Variants in KHDRBS2 observed in about 807,000 individuals in gnomAD.
KHDRBS2 encodes KH RNA binding domain containing, signal transduction associated 2.
Under a neutral mutation model 44.3 loss-of-function variants are expected in KHDRBS2, and 26 were observed. The ratio of observed to expected loss-of-function variants is 0.59; its 90% CI spans 0.43 to 0.81. The LOEUF (loss-of-function observed/expected upper bound fraction) is 0.81, where lower values mean the gene tolerates loss of function less well. Ranked by LOEUF, KHDRBS2 falls within the 40% of genes least tolerant of loss-of-function variation. The pLI, the probability that KHDRBS2 is intolerant of heterozygous loss-of-function variation, is 0.00. For missense variants in KHDRBS2, 476 were observed against 433.1 expected (o/e 1.10, Z -0.88); for synonymous variants, 194 against 151.1 (o/e 1.28, Z -2.08).
intron 1 of KHDRBS2, among the ~76,000 whole-genome samples, chr6:62,185,299 A>C (rs1002411204): frequency 6.6e-6 from 1 of 151,982 alleles, no homozygotes; most frequent in African/African-American, 2.4e-5. Flanking sequence ...ATAGAAAAAT[A>C]AAATGGGTAA....
chr6:62,033,907 A>G (rs1784788186), intron 3 of KHDRBS2, among the ~76,000 whole-genome samples: 2 of 151,598 alleles, frequency 1.3e-5, no homozygotes, highest in Non-Finnish European at 2.9e-5. Flanking sequence ...TTAAGGAAAT[A>G]TATACATTTA....
At chr6:62,092,447 A>G (rs1329561138) in intron 2 of KHDRBS2, among the ~76,000 whole-genome samples, 1 of 152,192 alleles carries the variant, frequency 6.6e-6, no homozygotes, top group Non-Finnish European at 1.5e-5. Flanking sequence ...GTTACAAATA[A>G]CCATTTTGCC....
chr6:61,646,065 C>A, the KHDRBS2 span, among the ~76,000 whole-genome samples: 1 of 152,074 alleles, frequency 6.6e-6, no homozygotes, highest in Non-Finnish European at 1.5e-5. Flanking sequence ...ATCAAGATAA[C>A]CTAATATCTA....
At chr6:61,764,788 CAGAT>C (rs781723895) in intron 6 of KHDRBS2, among the ~76,000 whole-genome samples, 8 of 151,466 alleles carry the variant, frequency 5.3e-5, no homozygotes, top group Non-Finnish European at 8.8e-5. Flanking sequence ...AGACCTTTGA[CAGAT>C]AGATAGATTG....
chr6:61,786,717 T>C (rs1783874634), intron 6 of KHDRBS2, among the ~76,000 whole-genome samples: 1 of 151,934 alleles, frequency 6.6e-6, no homozygotes, highest in East Asian at 1.9e-4. Flanking sequence ...TCTGCTTTTA[T>C]GAGTAAGCAG....
intron 6 of KHDRBS2, among the ~76,000 whole-genome samples, chr6:61,808,028 G>T (rs1787447036): frequency 6.6e-6 from 1 of 152,004 alleles, no homozygotes; most frequent in African/African-American, 2.4e-5. Flanking sequence ...CAACTGCTTG[G>T]ATGTTCACCC....
Position 61,894,711 on chromosome 6 carries a change from G to T in KHDRBS2, c.734C>A (p.Pro245His). Residue 245 changes from proline (P) to histidine (H), a missense_variant, in exon 6 of 9, where the codon CCT (proline) becomes CAT (histidine). Transcript: ENST00000281156. The stretch of plus-strand genomic sequence containing the variant: ...CACTGTTGGTGCCCCCCGGGCTCGA[G>T]GGGTAGGGACACCTCTTGCTACAGG... ...VPPVARGVPT[P>H]RARGAPTVPG... 6.2e-7 allele frequency: 1 copy of T among 1,613,604 alleles called. No individual in the cohort carries two copies. The highest frequency in any genetic ancestry group is 8.5e-7 in the Non-Finnish European group (1 of 1,179,796).
intron 4 of KHDRBS2, among the ~76,000 whole-genome samples, chr6:61,974,839 G>A (rs1287627339): frequency 6.6e-6 from 1 of 151,978 alleles, no homozygotes; most frequent in Non-Finnish European, 1.5e-5. Context: ...GCTGAGGCAG[G>A]AGAATCGCTT....
At chr6:62,035,210 C>T (rs561110648) in intron 3 of KHDRBS2, among the ~76,000 whole-genome samples, 52 of 151,920 alleles carry the variant, frequency 3.4e-4, no homozygotes, top group Admixed American at 1.7e-3. Flanking sequence ...TACAGCATGG[C>T]TCACAATAGC....
intron 2 of KHDRBS2, among the ~76,000 whole-genome samples, chr6:62,176,210 T>C (rs1240845588): frequency 2.0e-5 from 3 of 151,388 alleles, no homozygotes; most frequent in Non-Finnish European, 3.0e-5. Context: ...TAATAAAGTT[T>C]ATTTTAAAAA....
intron 6 of KHDRBS2, among the ~76,000 whole-genome samples, chr6:61,811,492 G>T (rs1202663716): frequency 2.6e-5 from 4 of 152,058 alleles, no homozygotes; most frequent in African/African-American, 7.2e-5. Context: ...GGGCCCAATG[G>T]TACTTCTATT....
intron 1 of KHDRBS2, among the ~76,000 whole-genome samples, chr6:62,268,831 CAG>C (rs1251876467): frequency 1.3e-5 from 2 of 151,892 alleles, no homozygotes; most frequent in Non-Finnish European, 2.9e-5. Context: ...ATAATCTCAA[CAG>C]AGTCACTGTC....
intron 2 of KHDRBS2, among the ~76,000 whole-genome samples, chr6:62,109,466 C>G (rs1003010682): frequency 6.6e-6 from 1 of 150,864 alleles, no homozygotes; most frequent in Non-Finnish European, 1.5e-5. Flanking sequence ...GGAAATCAGG[C>G]AAGAAAAAGA....
At chr6:61,923,197 A>T (rs1054697579) in intron 4 of KHDRBS2, among the ~76,000 whole-genome samples, 1 of 152,236 alleles carries the variant, frequency 6.6e-6, no homozygotes, top group East Asian at 1.9e-4. Flanking sequence ...AGACGTAGCA[A>T]CAGAAACTAT....
chr6:62,148,647 A>T lies in KHDRBS2; in HGVS notation c.219+28538T>A, dbSNP rs78459710. ...ACAACAAATGAAAAACAAGCCTCAG[A>T]CCTCTCTCACCATTTGCTCACGAAA... On this transcript the variant is annotated intron_variant, in intron 2 of 8. Transcript: ENST00000281156. Among the ~76,000 whole-genome samples, 487 of 151,910 alleles carry T rather than the reference A, an allele frequency of 3.2e-3. 19 individuals carry two copies. In the East Asian group the frequency reaches 0.081, roughly 25 times the overall value.
rs1248798081 is a variant in KHDRBS2 at position 62,092,448 on chromosome 6, C to A, written c.220-44454G>T. Reference sequence around the variant, plus strand: ...AACCGAATCAAAATGTTACAAATAACCATTTTGCCAGATTCTTTAAAAGTT... The same window carrying A: ...AACCGAATCAAAATGTTACAAATAAACATTTTGCCAGATTCTTTAAAAGTT... On this transcript the variant is annotated intron_variant, in intron 2 of 8. Coordinates refer to ENST00000281156, the MANE Select transcript of KHDRBS2 (RefSeq NM_152688.4). Among the ~76,000 whole-genome samples the A allele has an allele frequency of 3.9e-5, 6 of 152,114 alleles. No homozygotes were observed. In the East Asian group the frequency reaches 1.2e-3, roughly 29 times the overall value.
At chr6:62,244,851 T>C (rs1835286503) in intron 1 of KHDRBS2, among the ~76,000 whole-genome samples, 1 of 151,960 alleles carries the variant, frequency 6.6e-6, no homozygotes, top group African/African-American at 2.4e-5. Flanking sequence ...TCTGCAGACG[T>C]TTGTGATTTT....
At chr6:61,747,053 AC>A (rs1177426451) in intron 6 of KHDRBS2, among the ~76,000 whole-genome samples, 4 of 151,434 alleles carry the variant, frequency 2.6e-5, no homozygotes, top group African/African-American at 4.9e-5. Flanking sequence ...AAAAAAAAAA[AC>A]ATCTAAAAGT....
At chr6:61,808,890 A>G (rs1157955462) in intron 6 of KHDRBS2, among the ~76,000 whole-genome samples, 1 of 151,608 alleles carries the variant, frequency 6.6e-6, no homozygotes, top group African/African-American at 2.4e-5. Flanking sequence ...ATAATTATAT[A>G]AAAGGAATAA....
Sources: gnomAD v4.1 joint callset for allele counts (sites outside exome capture counted in the v4.1 genomes callset) on GRCh38, gnomAD v4.1.1 for gene constraint, MANE v1.5 for transcripts, NCBI Gene and HGNC (gene_info 2026-07-23, HGNC 2026-07-21) for gene names.